SYN3: variants seen among roughly 807,000 people sequenced by gnomAD.
SYN3 encodes the protein synapsin-3.
A neutral mutation model predicts 65.8 loss-of-function variants in SYN3; 35 were observed. That is an observed-to-expected ratio of 0.53 (90% CI 0.41 to 0.70). SYN3 has a LOEUF of 0.70. SYN3 is among the 30% of genes least tolerant of loss of function. The pLI is 0.00. For synonymous variants in SYN3, 270 were observed against 292.9 expected (o/e 0.92, Z 0.80); for missense variants, 680 against 749.0 (o/e 0.91, Z 1.08).
intron 6 of SYN3, among the ~76,000 whole-genome samples, chr22:32,820,314 G>A (rs909391402): frequency 7.3e-5 from 11 of 150,290 alleles, no homozygotes; most frequent in African/African-American, 2.7e-4. Context: ...GTTCTACTCC[G>A]TGTGTGTGTC....
At chr22:32,913,527 T>C (rs772790145) in intron 4 of SYN3, among the ~76,000 whole-genome samples, 10 of 151,510 alleles carry the variant, frequency 6.6e-5, no homozygotes, top group African/African-American at 1.7e-4. Context: ...AGAGAAGAGA[T>C]TGGGGGCAGG....
chr22:32,585,168 G>A (rs549843085), intron 7 of SYN3, among the ~76,000 whole-genome samples: 3 of 152,240 alleles, frequency 2.0e-5, no homozygotes, highest in Non-Finnish European at 2.9e-5. Flanking sequence ...CGTGGTGTAC[G>A]GGCACTTGGG....
intron 6 of SYN3, among the ~76,000 whole-genome samples, chr22:32,705,331 T>G (rs779652755): frequency 6.6e-6 from 1 of 152,208 alleles, no homozygotes; most frequent in Non-Finnish European, 1.5e-5. Flanking sequence ...CCATTGCTTG[T>G]TTTTGTTGAC....
intron 4 of SYN3, among the ~76,000 whole-genome samples, chr22:32,920,888 C>A (rs912861003): frequency 6.6e-6 from 1 of 152,246 alleles, no homozygotes; most frequent in African/African-American, 2.4e-5. Context: ...GCCCACTGTG[C>A]TTTAGTGCCA....
intron 4 of SYN3, among the ~76,000 whole-genome samples, chr22:32,908,476 T>C (rs1486210490): frequency 1.3e-5 from 2 of 150,694 alleles, no homozygotes; most frequent in Non-Finnish European, 3.0e-5. Context: ...CTGCAACCTT[T>C]TAACTCCTGG....
At chr22:32,684,366 T>C (rs1011696687) in intron 6 of SYN3, among the ~76,000 whole-genome samples, 1 of 152,174 alleles carries the variant, frequency 6.6e-6, no homozygotes, top group Admixed American at 6.5e-5. Context: ...TTTCAGGTCC[T>C]AGATCCAGCT....
chr22:32,714,571 C>CTT (rs59806091), intron 6 of SYN3, among the ~76,000 whole-genome samples: 1 of 145,886 alleles, frequency 6.9e-6, no homozygotes, highest in Non-Finnish European at 1.5e-5. Context: ...AGTAACTTTT[C>CTT]TTTTTTTTTT....
chr22:32,607,884 G>C (rs1841649639), intron 6 of SYN3, among the ~76,000 whole-genome samples: 1 of 152,110 alleles, frequency 6.6e-6, no homozygotes, highest in African/African-American at 2.4e-5. Context: ...CTCTGGGGAG[G>C]GTCTGAATGA....
chr22:32,679,044 C>G (rs374735404), intron 6 of SYN3, among the ~76,000 whole-genome samples: 3 of 115,948 alleles, frequency 2.6e-5, no homozygotes, highest in East Asian at 2.5e-4. Context: ...TTCTTTGTTT[C>G]TTTCTTTTTT....
At chr22:32,954,942 C>CTTTTTTTTT (rs770971735) in intron 3 of SYN3, among the ~76,000 whole-genome samples, 13 of 118,956 alleles carry the variant, frequency 1.1e-4, no homozygotes, top group African/African-American at 3.3e-4. Flanking sequence ...TTTTCCTTTT[C>CTTTTTTTTT]TTTTTTTTTT....
intron 6 of SYN3, among the ~76,000 whole-genome samples, chr22:32,648,519 A>C (rs1440763523): frequency 6.6e-6 from 1 of 152,252 alleles, no homozygotes; most frequent in Non-Finnish European, 1.5e-5. Context: ...ACCCGGACTT[A>C]AAGTTTTGGC....
At position 32,512,216 on chromosome 22, in the gene SYN3, G is replaced by T. The variant is rs2057698791; in HGVS notation, c.*1476C>A. 1.3e-5 allele frequency among the ~76,000 whole-genome samples: 2 copies of T among 152,190 alleles called. No homozygotes were observed. Among genetic ancestry groups the T allele is most frequent in the African/African-American group, 4.8e-5 (2 of 41,442 alleles). On this transcript the variant is annotated 3_prime_UTR_variant, in exon 14 of 14. Transcript: ENST00000358763. ...GATTACCAAACAATCTACATTGCTT[G>T]GGCATAACTAGAAGCTGCTCCAGGC...
chr22:32,988,267 A>C (rs920252037), intron 2 of SYN3, among the ~76,000 whole-genome samples: 4 of 151,494 alleles, frequency 2.6e-5, no homozygotes, highest in African/African-American at 7.3e-5. Context: ...AGATCTCGCC[A>C]CTGCACTCCA....
chr22:32,513,544 A>T lies in SYN3; in HGVS notation c.*148T>A. The T allele has an allele frequency of 9.4e-7, 1 of 1,062,670 alleles. No individual in the cohort carries two copies. The highest frequency in any genetic ancestry group is 2.4e-5 in the East Asian group (1 of 41,162). 65.8% of individuals were successfully genotyped at this position (1,062,670 alleles called of 1,614,324 possible). A position where few individuals can be genotyped will look rare whatever the true frequency, so the allele number is the denominator to read the frequency against. The stretch of plus-strand genomic sequence containing the variant: ...TGAAGGAAAATGGGAACAAATATAG[A>T]TAATCGGTTCCTGGGTCAAAGGCAT... On this transcript the variant is annotated 3_prime_UTR_variant, in exon 14 of 14. Transcript: ENST00000358763.
chr22:32,627,011 C>T (rs1022800273), intron 6 of SYN3, among the ~76,000 whole-genome samples: 81 of 152,246 alleles, frequency 5.3e-4, no homozygotes, highest in African/African-American at 1.9e-3. Context: ...AGATGATGCT[C>T]TTATGCCCCC....
At chr22:32,918,204 C>G (rs928335554) in intron 4 of SYN3, among the ~76,000 whole-genome samples, 10 of 152,216 alleles carry the variant, frequency 6.6e-5, no homozygotes, top group African/African-American at 2.4e-4. Context: ...GGCATTGTGC[C>G]AGGTGCTGGG....
chr22:32,533,643 G>A (rs920104935), intron 10 of SYN3, 150 bp downstream of exon 10: 2 of 559,420 alleles, frequency 3.6e-6, no homozygotes, highest in Non-Finnish European at 3.2e-6. Flanking sequence ...GTGGGAAGGA[G>A]CCTCCAGAAG....
intron 5 of SYN3, among the ~76,000 whole-genome samples, chr22:32,866,410 C>T (rs1360765707): frequency 6.6e-6 from 1 of 152,110 alleles, no homozygotes; most frequent in Non-Finnish European, 1.5e-5. Context: ...GTGTGGGGTC[C>T]CTCATTTTGC....
At chr22:33,044,024 T>G (rs2145945165) in intron 1 of SYN3, among the ~76,000 whole-genome samples, 1 of 151,360 alleles carries the variant, frequency 6.6e-6, no homozygotes, top group Non-Finnish European at 1.5e-5. Flanking sequence ...CTGCACACCA[T>G]CCTGATGACA....
Sources: allele counts gnomAD v4.1 joint callset (sites outside exome capture counted in the v4.1 genomes callset), GRCh38; gene constraint gnomAD v4.1.1; transcripts MANE v1.5; gene names NCBI Gene and HGNC (gene_info 2026-07-23, HGNC 2026-07-21).